CELF2: variants seen among roughly 807,000 people sequenced by gnomAD.
The protein encoded by CELF2 is CUGBP Elav-like family member 2.
In CELF2, 8 loss-of-function variants were observed where a neutral mutation model predicts 62.6. The observed-to-expected ratio is 0.13, with a 90% CI of 0.07 to 0.23. The LOEUF (loss-of-function observed/expected upper bound fraction) is 0.23. Ranked by LOEUF, CELF2 falls within the 10% of genes least tolerant of loss-of-function variation. The probability of loss-of-function intolerance (pLI) is 1.00; values close to 1 mark genes in which losing one functional copy is unlikely to be tolerated. For missense variants in CELF2, 333 were observed against 671.0 expected (o/e 0.50, Z 5.56); for synonymous variants, 258 against 250.0 (o/e 1.03, Z -0.30).
rs2094791464 is a variant in CELF2 at position 11,314,522 on chromosome 10, G to C, written c.1096+264G>C. On this transcript the variant is annotated intron_variant, in intron 10 of 12. Coordinates refer to ENST00000633077, the MANE Select transcript of CELF2 (RefSeq NM_001326342.2). The surrounding 1 kb of genome is among the most constrained non-coding windows in gnomAD (Gnocchi z 5.3). ...CATCCATGGGGTTCTGTGGCTGGCA[G>C]CTCTTTTCAGGTTTCCAGGAGTTTG... The C allele has an allele frequency of 1.6e-5, 8 of 503,078 alleles. No individual in the cohort carries two copies. The highest frequency in any genetic ancestry group is 1.4e-4 in the South Asian group (7 of 51,582). The allele number at this position is 503,078 out of a possible 1,614,324, so 31.2% of individuals were successfully genotyped here.
the CELF2 span, among the ~76,000 whole-genome samples, chr10:10,791,235 T>C: frequency 6.6e-6 from 1 of 152,130 alleles, no homozygotes; most frequent in South Asian, 2.1e-4. Context: ...TCTACATAGC[T>C]TTCTGGGGGA....
intron 1 of CELF2, among the ~76,000 whole-genome samples, chr10:11,070,011 C>T (rs181026592): frequency 6.6e-6 from 1 of 152,256 alleles, no homozygotes; most frequent in Admixed American, 6.5e-5. Flanking sequence ...AGCTTCAAAG[C>T]TAGGAAAATT....
chr10:11,262,545 G>A (rs2080980134), intron 5 of CELF2, among the ~76,000 whole-genome samples: 1 of 152,110 alleles, frequency 6.6e-6, no homozygotes, highest in South Asian at 2.1e-4. Flanking sequence ...TCTTATCTCA[G>A]TGATGAGATT....
intron 1 of CELF2, among the ~76,000 whole-genome samples, chr10:11,140,301 C>T (rs1445175937): frequency 1.3e-5 from 2 of 152,114 alleles, no homozygotes; most frequent in Admixed American, 6.6e-5. Flanking sequence ...GGTGCAGTAG[C>T]GCAATCATAG....
At chr10:11,044,615 C>A (rs1278667933) in intron 1 of CELF2, among the ~76,000 whole-genome samples, 1 of 152,140 alleles carries the variant, frequency 6.6e-6, no homozygotes, top group East Asian at 1.9e-4. Flanking sequence ...GTAATATTGT[C>A]ATTTTTATTA....
At chr10:11,235,624 G>A (rs2070918236) in intron 3 of CELF2, among the ~76,000 whole-genome samples, 1 of 152,134 alleles carries the variant, frequency 6.6e-6, no homozygotes, top group South Asian at 2.1e-4. Context: ...TCTTTGTTTA[G>A]CAAAATACCA....
the CELF2 span, among the ~76,000 whole-genome samples, chr10:10,631,308 G>A: frequency 6.6e-6 from 1 of 152,188 alleles, no homozygotes; most frequent in Non-Finnish European, 1.5e-5. Flanking sequence ...CATGTATTTG[G>A]AAATTGTCAT....
At chr10:10,706,774 C>T in the CELF2 span, among the ~76,000 whole-genome samples, 1 of 152,340 alleles carries the variant, frequency 6.6e-6, no homozygotes, top group South Asian at 2.1e-4. Context: ...TTTCCAGACA[C>T]AAAGTCCAGT....
intron 7 of CELF2, among the ~76,000 whole-genome samples, chr10:11,273,661 G>C (rs1425540958): frequency 6.6e-6 from 1 of 152,102 alleles, no homozygotes; most frequent in African/African-American, 2.4e-5. Flanking sequence ...GACTTCCCCA[G>C]AGGAACGGTG....
At chr10:10,694,942 C>T in the CELF2 span, among the ~76,000 whole-genome samples, 6 of 151,242 alleles carry the variant, frequency 4.0e-5, no homozygotes, top group East Asian at 1.2e-3. Context: ...ATACAGCACA[C>T]TGATGGGTCT....
the CELF2 span, among the ~76,000 whole-genome samples, chr10:10,483,927 A>ACTCTCTCTCGT: frequency 1.2e-5 from 1 of 82,306 alleles, no homozygotes; most frequent in Non-Finnish European, 2.5e-5. Context: ...CTCTCTCTCA[A>ACTCTCTCTCGT]CTCTCTCTCG....
At chr10:10,511,435 T>C in the CELF2 span, among the ~76,000 whole-genome samples, 1 of 151,926 alleles carries the variant, frequency 6.6e-6, no homozygotes, top group Non-Finnish European at 1.5e-5. Context: ...ATAAATAAAA[T>C]ATATGTATAC....
chr10:10,874,779 C>G (rs1458011951), intron 1 of CELF2, among the ~76,000 whole-genome samples: 14 of 152,080 alleles, frequency 9.2e-5, no homozygotes, highest in Admixed American at 2.6e-4. Context: ...CCAGGATTAA[C>G]TTGGTAACTT....
At position 11,130,523 on chromosome 10, in the gene CELF2, T is replaced by A. The variant is rs866270968; in HGVS notation, c.75-34963T>A. Reference sequence around the variant, plus strand: ...TTGCACTAAAAGTGCTCTGCTGAGATCTGAAGAGTATTTGTGATGTGTGTA... The same window carrying A: ...TTGCACTAAAAGTGCTCTGCTGAGAACTGAAGAGTATTTGTGATGTGTGTA... On this transcript the variant is annotated intron_variant, in intron 1 of 12. Coordinates refer to ENST00000633077, the MANE Select transcript of CELF2 (RefSeq NM_001326342.2). Among the ~76,000 whole-genome samples, 14 of 152,336 alleles carry A rather than the reference T, an allele frequency of 9.2e-5. No individual in the cohort carries two copies. In the South Asian group the frequency reaches 2.9e-3, roughly 32 times the overall value.
intron 2 of CELF2, among the ~76,000 whole-genome samples, chr10:11,208,097 A>T (rs1337978328): frequency 1.3e-5 from 2 of 151,994 alleles, no homozygotes; most frequent in Non-Finnish European, 2.9e-5. Context: ...GGTTGCTGGG[A>T]TGGTTTTGGC....
the CELF2 span, among the ~76,000 whole-genome samples, chr10:10,569,223 G>A: frequency 2.6e-5 from 4 of 152,100 alleles, no homozygotes; most frequent in East Asian, 1.9e-4. Context: ...AGAAAAAGAC[G>A]TTTAATGGAC....
At chr10:10,852,676 C>G (rs2059456410) in intron 1 of CELF2, among the ~76,000 whole-genome samples, 1 of 152,162 alleles carries the variant, frequency 6.6e-6, no homozygotes, top group South Asian at 2.1e-4. Context: ...TGATATTATA[C>G]TAGAACACTT....
At chr10:11,049,213 CTTT>C (rs558304756) in intron 1 of CELF2, among the ~76,000 whole-genome samples, 4 of 144,828 alleles carry the variant, frequency 2.8e-5, no homozygotes, top group Non-Finnish European at 4.5e-5. Flanking sequence ...AGTATGCCAT[CTTT>C]TTTTTTTTTA....
chr10:10,496,553 A>T, the CELF2 span, among the ~76,000 whole-genome samples: 2 of 152,198 alleles, frequency 1.3e-5, no homozygotes, highest in African/African-American at 4.8e-5. Context: ...GCATGCATGG[A>T]TGAAAAGATG....
Sources: allele counts gnomAD v4.1 joint callset (sites outside exome capture counted in the v4.1 genomes callset), GRCh38; gene constraint gnomAD v4.1.1; non-coding constraint Gnocchi (gnomAD v3.1); transcripts MANE v1.5; gene names NCBI Gene and HGNC (gene_info 2026-07-23, HGNC 2026-07-21).